Variants in APBA1 observed in about 807,000 individuals in gnomAD.
APBA1 encodes the protein amyloid-beta A4 precursor protein-binding family A member 1.
A neutral mutation model predicts 86.6 loss-of-function variants in APBA1; 55 were observed. The observed-to-expected ratio is 0.64, with a 90% CI of 0.51 to 0.80. The LOEUF (loss-of-function observed/expected upper bound fraction) is 0.80. Ranked by LOEUF, APBA1 falls within the 30% of genes least tolerant of loss-of-function variation. The pLI is 0.00. For missense variants in APBA1, 1,090 were observed against 1,183.0 expected (o/e 0.92, Z 1.15); for synonymous variants, 511 against 493.9 (o/e 1.03, Z -0.46).
chr9:69,461,821 C>T (rs956848324), intron 5 of APBA1: 4 of 152,170 alleles, frequency 2.6e-5, no homozygotes, highest in African/African-American at 9.7e-5. Context: ...GTTAACAACA[C>T]CTACCTCACA....
chr9:69,445,383 G>A (rs974778936), intron 10 of APBA1, among the ~76,000 whole-genome samples: 2 of 152,158 alleles, frequency 1.3e-5, no homozygotes, highest in African/African-American at 4.8e-5. Flanking sequence ...TTGGATTTCT[G>A]AGCTGCCATT....
chr9:69,435,623 C>T lies in APBA1; in HGVS notation c.2302-2947G>A, dbSNP rs61062879. ...GAGAAGTGTTTGTTCATATCCTTCACCCACTTTTTGATGGGGTTGTTTTTT... is the reference window on the plus strand; with the variant it reads ...GAGAAGTGTTTGTTCATATCCTTCATCCACTTTTTGATGGGGTTGTTTTTT... On this transcript the variant is annotated intron_variant, in intron 11 of 12. Transcript: ENST00000265381. 7.2e-5 allele frequency among the ~76,000 whole-genome samples: 11 copies of T among 152,324 alleles called. No homozygotes were observed. In the East Asian group the frequency reaches 2.1e-3, roughly 29 times the overall value.
intron 1 of APBA1, among the ~76,000 whole-genome samples, chr9:69,583,990 C>T (rs775482109): frequency 2.6e-5 from 4 of 152,180 alleles, no homozygotes; most frequent in Non-Finnish European, 4.4e-5. Context: ...AAATGCCAGC[C>T]GTTTTCTATG....
chr9:69,636,637 A>T (rs1823164672), intron 1 of APBA1, among the ~76,000 whole-genome samples: 1 of 151,766 alleles, frequency 6.6e-6, no homozygotes, highest in Non-Finnish European at 1.5e-5. Flanking sequence ...CTCTACAAAA[A>T]GTACAAAAAT....
chr9:69,666,125 T>A (rs930390255), intron 1 of APBA1, among the ~76,000 whole-genome samples: 1 of 152,242 alleles, frequency 6.6e-6, no homozygotes, highest in African/African-American at 2.4e-5. Context: ...TACAGCCTTA[T>A]GGGCAAACAA....
At position 69,523,512 on chromosome 9, in the gene APBA1, T is replaced by C. The variant is rs1316114391; in HGVS notation, c.-69-6233A>G. Among the ~76,000 whole-genome samples the C allele has an allele frequency of 3.4e-4, 11 of 31,898 alleles. No individual in the cohort carries two copies. In the East Asian group the frequency reaches 0.014, roughly 42 times the overall value. 20.9% of individuals were successfully genotyped at this position (31,898 alleles called of 152,430 possible). ...ATATATATATGTATATATATATATA[T>C]ATATATATATATATATATATAGACA... On this transcript the variant is annotated intron_variant, in intron 1 of 12. Coordinates refer to ENST00000265381, the MANE Select transcript of APBA1 (RefSeq NM_001163.4).
At chr9:69,467,669 T>C (rs1221102660) in intron 5 of APBA1, among the ~76,000 whole-genome samples, 154 bp downstream of exon 5, 2 of 152,184 alleles carry the variant, frequency 1.3e-5, no homozygotes, top group African/African-American at 4.8e-5. Flanking sequence ...GAAATTTTTG[T>C]TTTGTTAGCA....
chr9:69,641,578 A>G (rs923733801), intron 1 of APBA1, among the ~76,000 whole-genome samples: 5 of 152,210 alleles, frequency 3.3e-5, no homozygotes, highest in African/African-American at 1.2e-4. Context: ...TGAAGTCCAG[A>G]AACAGACCCA....
At chr9:69,525,439 G>A (rs1030508653) in intron 1 of APBA1, among the ~76,000 whole-genome samples, 2 of 151,916 alleles carry the variant, frequency 1.3e-5, no homozygotes, top group Non-Finnish European at 2.9e-5. Flanking sequence ...CACCAATAAC[G>A]TTCAACCTGA....
chr9:69,503,070 C>T (rs985580974), intron 2 of APBA1, among the ~76,000 whole-genome samples: 1 of 152,098 alleles, frequency 6.6e-6, no homozygotes, highest in African/African-American at 2.4e-5. Context: ...AAACTTAGTG[C>T]ACTCATCTTA....
chr9:69,554,407 C>T (rs546235250), intron 1 of APBA1, among the ~76,000 whole-genome samples: 20 of 152,302 alleles, frequency 1.3e-4, no homozygotes, highest in African/African-American at 4.6e-4. Context: ...ACTAAGACAT[C>T]TTTATACAAT....
chr9:69,645,175 G>T (rs1057394342), intron 1 of APBA1, among the ~76,000 whole-genome samples: 1 of 152,094 alleles, frequency 6.6e-6, no homozygotes, highest in Non-Finnish European at 1.5e-5. Context: ...TTAGTCGAGG[G>T]GTTGAATAAG....
chr9:69,453,536 A>G (rs1236998725), intron 8 of APBA1, among the ~76,000 whole-genome samples: 2 of 152,244 alleles, frequency 1.3e-5, no homozygotes, highest in Admixed American at 6.5e-5. Flanking sequence ...GGTATATGCT[A>G]TGAAAAGTAA....
chr9:69,545,801 A>G (rs1254377508), intron 1 of APBA1, among the ~76,000 whole-genome samples: 1 of 152,212 alleles, frequency 6.6e-6, no homozygotes, highest in East Asian at 1.9e-4. Context: ...CAGATGTGAA[A>G]TGACTTTGAA....
At chr9:69,465,325 A>G (rs1443157804) in intron 5 of APBA1, 1 of 152,242 alleles carries the variant, frequency 6.6e-6, no homozygotes. Flanking sequence ...AGCTAACAGC[A>G]CCATTCACCT....
intron 2 of APBA1, among the ~76,000 whole-genome samples, chr9:69,490,435 T>C (rs1835688650): frequency 6.6e-6 from 1 of 151,674 alleles, no homozygotes; most frequent in Admixed American, 6.6e-5. Context: ...GTAACTAACC[T>C]GCACATCGTG....
intron 11 of APBA1, among the ~76,000 whole-genome samples, chr9:69,436,949 C>T (rs1379473055): frequency 7.2e-5 from 11 of 152,016 alleles, no homozygotes; most frequent in Admixed American, 1.3e-4. Flanking sequence ...AGATACATCC[C>T]ATCAATACCT....
intron 1 of APBA1, among the ~76,000 whole-genome samples, chr9:69,572,191 G>A (rs1489736846): frequency 2.0e-5 from 3 of 152,128 alleles, no homozygotes; most frequent in Non-Finnish European, 2.9e-5. Flanking sequence ...CCATCACCTA[G>A]GTATTAAGCC....
In APBA1 at chr9:69,497,466, C is replaced by T. The variant is rs114650848; in HGVS notation, c.1200+18545G>A. Among the ~76,000 whole-genome samples, 209 of 152,254 alleles carry T rather than the reference C, an allele frequency of 1.4e-3. 1 individual carries two copies. The highest frequency in any genetic ancestry group is 4.9e-3 in the African/African-American group (202 of 41,544). ...CCACACAGAGGGGACCTGGAGGCCA[C>T]GATGAGGCTGCACAAGGGTTGAAGA... On this transcript the variant is annotated intron_variant, in intron 2 of 12. Coordinates refer to ENST00000265381, the MANE Select transcript of APBA1 (RefSeq NM_001163.4).
Sources: allele counts gnomAD v4.1 joint callset (sites outside exome capture counted in the v4.1 genomes callset), GRCh38; gene constraint gnomAD v4.1.1; transcripts MANE v1.5; gene names NCBI Gene and HGNC (gene_info 2026-07-23, HGNC 2026-07-21).